PRKCA: variants seen among roughly 807,000 people sequenced by gnomAD.
The protein encoded by PRKCA is protein kinase C alpha.
A neutral mutation model predicts 87.0 loss-of-function variants in PRKCA; 27 were observed. The observed-to-expected ratio is 0.31, with a 90% CI of 0.23 to 0.43. The LOEUF (loss-of-function observed/expected upper bound fraction) is 0.43. Among genes scored for constraint, PRKCA ranks in the 20% least tolerant of loss-of-function variants. The pLI is 1.00. For missense variants in PRKCA, 518 were observed against 852.3 expected, an observed-to-expected ratio of 0.61 and a Z score of 4.88; for synonymous variants, 329 against 311.1, an observed-to-expected ratio of 1.06 and a Z score of -0.61.
At chr17:66,635,910 A>G (rs1399396465) in intron 3 of PRKCA, among the ~76,000 whole-genome samples, 2 of 152,046 alleles carry the variant, frequency 1.3e-5, no homozygotes, top group Non-Finnish European at 2.9e-5. Context: ...AGTCTGTACT[A>G]TTTTTGCAAA....
At chr17:66,794,730 C>T (rs1477913142) in intron 16 of PRKCA, among the ~76,000 whole-genome samples, 2 of 150,894 alleles carry the variant, frequency 1.3e-5, no homozygotes, top group East Asian at 2.0e-4. Context: ...AAGCAATTCT[C>T]CTGCCTCAGC....
At chr17:66,304,450 C>T (rs1013699189) in intron 1 of PRKCA, among the ~76,000 whole-genome samples, 3 of 152,132 alleles carry the variant, frequency 2.0e-5, no homozygotes, top group East Asian at 1.9e-4. Flanking sequence ...TAGGAAGTTC[C>T]GGGCAAGACA....
At chr17:66,773,939 G>A in intron 13 of PRKCA, 48 bp from the exon 14 acceptor site, 1 of 1,611,136 alleles carries the variant, frequency 6.2e-7, no homozygotes, top group Non-Finnish European at 8.5e-7. Flanking sequence ...TCTGACAGGG[G>A]CTATTGGACT....
chr17:66,687,346 A>G, intron 6 of PRKCA, 79 bp downstream of exon 6: 3 of 1,456,094 alleles, frequency 2.1e-6, no homozygotes, highest in South Asian at 1.3e-5. Context: ...GTAATGAAGT[A>G]GGTTCATTAT....
rs368233465 is a variant in PRKCA, at chr17:66,645,946, T to C, written c.529+435T>C. Among the ~76,000 whole-genome samples the C allele has an allele frequency of 2.3e-4, 35 of 152,344 alleles. 2 individuals are homozygous for C. The highest frequency in any genetic ancestry group is 7.9e-4 in the African/African-American group (33 of 41,588). On this transcript the variant is annotated intron_variant, in intron 5 of 16. Coordinates refer to ENST00000413366, the MANE Select transcript of PRKCA (RefSeq NM_002737.3). ...TGGCCCAATAAATCCACCTCAGCGA[T>C]AGCAACAGCCGTTGAGTGCTTTTGC...
chr17:66,759,183 T>A (rs936185236), intron 13 of PRKCA, among the ~76,000 whole-genome samples: 3 of 151,692 alleles, frequency 2.0e-5, no homozygotes, highest in Non-Finnish European at 4.4e-5. Context: ...TGAAACCCCA[T>A]CTCTAATAAA....
Position 66,303,083 on chromosome 17 carries a change from C to T in PRKCA, c.173+59C>T. 3 of 1,571,194 alleles carry T rather than the reference C, an allele frequency of 1.9e-6. 1 individual carries two copies. The South Asian group carries it at 3.4e-5, about 18-fold the overall frequency. On this transcript the variant is annotated intron_variant, in intron 1 of 16. Coordinates refer to ENST00000413366, the MANE Select transcript of PRKCA (RefSeq NM_002737.3). Reference sequence around the variant, plus strand: ...CTCCCCGCCTCCGGGTCCCGGCACCCGGCGCTCCGGCGCGTCCGCCCCGGG... The same window carrying T: ...CTCCCCGCCTCCGGGTCCCGGCACCTGGCGCTCCGGCGCGTCCGCCCCGGG...
chr17:66,588,635 C>CTTTTTTTTTTTTTT (rs397856363), intron 3 of PRKCA, among the ~76,000 whole-genome samples: 1 of 39,110 alleles, frequency 2.6e-5, no homozygotes, highest in African/African-American at 1.2e-4. Flanking sequence ...TTTTGCTTTG[C>CTTTTTTTTTTTTTT]TTTTTTTTTT....
chr17:66,399,613 G>C (rs78050952), intron 2 of PRKCA, among the ~76,000 whole-genome samples: 7,378 of 152,058 alleles, frequency 0.049, 228 homozygotes, highest in African/African-American at 0.08. Flanking sequence ...ACAGCTCTTG[G>C]TTTCCTCTTC....
At chr17:66,365,911 T>C (rs899144934) in intron 2 of PRKCA, among the ~76,000 whole-genome samples, 3 of 152,366 alleles carry the variant, frequency 2.0e-5, no homozygotes, top group African/African-American at 7.2e-5. Flanking sequence ...CATTTACCTT[T>C]TGTTTCTATG....
intron 3 of PRKCA, among the ~76,000 whole-genome samples, chr17:66,572,355 T>C (rs1286555290): frequency 1.3e-5 from 2 of 151,954 alleles, no homozygotes; most frequent in African/African-American, 4.8e-5. Flanking sequence ...TAATCCCAGC[T>C]ACTCAGGAGG....
chr17:66,666,188 G>C (rs1340453176), intron 5 of PRKCA, among the ~76,000 whole-genome samples: 1 of 152,184 alleles, frequency 6.6e-6, no homozygotes, highest in African/African-American at 2.4e-5. Flanking sequence ...AATCCGCTTT[G>C]GGAGTGCCTT....
intron 3 of PRKCA, among the ~76,000 whole-genome samples, chr17:66,628,655 A>G (rs1301595300): frequency 6.6e-6 from 1 of 152,220 alleles, no homozygotes; most frequent in African/African-American, 2.4e-5. Flanking sequence ...GTAACAAATT[A>G]CTAGAATACT....
chr17:66,624,616 C>T lies in PRKCA; in HGVS notation c.289-16739C>T, dbSNP rs566162488. 5.5e-4 allele frequency among the ~76,000 whole-genome samples: 83 copies of T among 152,152 alleles called. 1 individual carries two copies. Among genetic ancestry groups the T allele is most frequent in the African/African-American group, 1.8e-3 (74 of 41,508 alleles). On this transcript the variant is annotated intron_variant, in intron 3 of 16. Transcript: ENST00000413366. Reference sequence around the variant, plus strand: ...AAGAGTTTGAGACCAGCGTGGCCAACGTGGTGAAACCCCCTCTCTACTAAA... The same window carrying T: ...AAGAGTTTGAGACCAGCGTGGCCAATGTGGTGAAACCCCCTCTCTACTAAA...
intron 2 of PRKCA, among the ~76,000 whole-genome samples, chr17:66,434,058 C>T (rs753123979): frequency 5.5e-4 from 83 of 152,186 alleles, no homozygotes; most frequent in Admixed American, 9.2e-4. Flanking sequence ...ACCCTGACTT[C>T]TAGCTTCCCT....
chr17:66,460,390 G>C (rs1253430881), intron 2 of PRKCA, among the ~76,000 whole-genome samples: 1 of 134,794 alleles, frequency 7.4e-6, no homozygotes, highest in East Asian at 1.9e-4. Context: ...TTTGATAGAG[G>C]GGGGAAAAGG....
intron 2 of PRKCA, among the ~76,000 whole-genome samples, chr17:66,340,992 T>C (rs1291536992): frequency 6.6e-6 from 1 of 152,158 alleles, no homozygotes; most frequent in Non-Finnish European, 1.5e-5. Flanking sequence ...TATTATTTAT[T>C]CCTGCAAGCA....
chr17:66,354,798 C>CT (rs559667074), intron 2 of PRKCA, among the ~76,000 whole-genome samples: 5 of 152,106 alleles, frequency 3.3e-5, no homozygotes, highest in African/African-American at 7.2e-5. Context: ...AAATAAAGTA[C>CT]TTTTTTTTCC....
chr17:66,614,915 A>G (rs1376924827), intron 3 of PRKCA, among the ~76,000 whole-genome samples: 1 of 152,066 alleles, frequency 6.6e-6, no homozygotes, highest in East Asian at 1.9e-4. Context: ...TCCAAATAAC[A>G]GCAGACTGAA....
Sources: gnomAD v4.1 joint callset for allele counts (sites outside exome capture counted in the v4.1 genomes callset) on GRCh38, gnomAD v4.1.1 for gene constraint, MANE v1.5 for transcripts, NCBI Gene and HGNC (gene_info 2026-07-23, HGNC 2026-07-21) for gene names.